Variants in PJVK observed in about 807,000 individuals in gnomAD.
PJVK encodes the protein pejvakin.
A neutral mutation model predicts 37.6 loss-of-function variants in PJVK; 33 were observed. The observed-to-expected ratio is 0.88, with a 90% CI of 0.67 to 1.17. The LOEUF (loss-of-function observed/expected upper bound fraction) is 1.17, where lower values mean the gene tolerates loss of function less well. Among genes scored for constraint, PJVK ranks in the 50% most tolerant of loss-of-function variants. The pLI, the probability that PJVK is intolerant of heterozygous loss-of-function variation, is 0.00. For synonymous variants in PJVK, 141 were observed against 143.5 expected (o/e 0.98, Z 0.13); for missense variants, 410 against 413.8 (o/e 0.99, Z 0.08).
chr2:178,453,075 G>A (rs1047375373), intron 1 of PJVK: 15 of 321,310 alleles, frequency 4.7e-5, no homozygotes, highest in African/African-American at 3.0e-4. Context: ...CATTGCCAGT[G>A]GCAAATCACT....
intron 4 of PJVK, among the ~76,000 whole-genome samples, chr2:178,457,816 G>T (rs941259453): frequency 1.3e-5 from 2 of 152,114 alleles, no homozygotes; most frequent in Non-Finnish European, 2.9e-5. Context: ...CTATGATTGT[G>T]CCACTGCTCT....
Position 178,460,342 on chromosome 2 carries a change from T to C in PJVK, c.668-6T>C. On this transcript the variant is annotated splice_polypyrimidine_tract_variant and splice_region_variant and intron_variant, in intron 5 of 6. Transcript: ENST00000644580. ...TTATAACATCTTCTAACAATTTTTT[T>C]TGTAGACCTTTGTGTCACTTCAGTG... The C allele has an allele frequency of 1.9e-6, 3 of 1,612,836 alleles. No homozygotes were observed. Among genetic ancestry groups the C allele is most frequent in the Non-Finnish European group, 2.5e-6 (3 of 1,178,868 alleles).
chr2:178,451,706 C>T lies in PJVK; in HGVS notation c.-86C>T. ...GAACACGCGGGGACGTCCAAACACCCGCTCCTCTCCCGCCGGGCGGGCTCC... is the reference window on the plus strand; with the variant it reads ...GAACACGCGGGGACGTCCAAACACCTGCTCCTCTCCCGCCGGGCGGGCTCC... On this transcript the variant is annotated 5_prime_UTR_variant, in exon 1 of 7. Coordinates refer to ENST00000644580, the MANE Select transcript of PJVK (RefSeq NM_001042702.5). The T allele has an allele frequency of 1.1e-6, 1 of 928,416 alleles. No homozygotes were observed. Among genetic ancestry groups the T allele is most frequent in the South Asian group, 5.0e-5 (1 of 20,172 alleles). The allele number at this position is 928,416 out of a possible 1,614,324, so 57.5% of individuals were successfully genotyped here. A position where few individuals can be genotyped will look rare whatever the true frequency, so the allele number is the denominator to read the frequency against.
intron 4 of PJVK, among the ~76,000 whole-genome samples, chr2:178,458,118 C>T (rs1357246631): frequency 6.6e-6 from 1 of 151,970 alleles, no homozygotes; most frequent in Non-Finnish European, 1.5e-5. Context: ...TTAGCGATTG[C>T]TTTAGAAAGC....
chr2:178,457,950 T>G (rs1684236380), intron 4 of PJVK, among the ~76,000 whole-genome samples: 1 of 152,246 alleles, frequency 6.6e-6, no homozygotes, highest in African/African-American at 2.4e-5. Context: ...TAATAATGAC[T>G]TGATTGGATT....
chr2:178,459,615 A>G (rs1684360085), intron 5 of PJVK, among the ~76,000 whole-genome samples: 1 of 152,188 alleles, frequency 6.6e-6, no homozygotes, highest in Non-Finnish European at 1.5e-5. Context: ...AAACTGTACA[A>G]TTACATTATT....
intron 2 of PJVK, chr2:178,453,860 C>A: frequency 1.1e-5 from 5 of 444,906 alleles, no homozygotes; most frequent in South Asian, 5.0e-5. Flanking sequence ...TTGTTTTAAC[C>A]AAATCAACTT....
chr2:178,455,025 G>C, intron 3 of PJVK: 1 of 1,111,506 alleles, frequency 9.0e-7, no homozygotes, highest in Non-Finnish European at 1.4e-6. Flanking sequence ...AGGGAAGGAC[G>C]TGGTGGTGGC....
chr2:178,462,052 C>T lies in PJVK; in HGVS notation c.*778C>T, dbSNP rs759378278. On this transcript the variant is annotated 3_prime_UTR_variant, in exon 7 of 7. Coordinates refer to ENST00000644580, the MANE Select transcript of PJVK (RefSeq NM_001042702.5). ...AGAAAAATGTGTTAATAATTTAATG[C>T]AATCTTAAATGTTTAATTGCAGTAT... Among the ~76,000 whole-genome samples the T allele has an allele frequency of 1.2e-4, 18 of 152,280 alleles. No homozygotes were observed. Among genetic ancestry groups the T allele is most frequent in the Admixed American group, 2.0e-4 (3 of 15,304 alleles).
chr2:178,452,021 G>A (rs1575108938), intron 1 of PJVK, among the ~76,000 whole-genome samples: 1 of 152,292 alleles, frequency 6.6e-6, no homozygotes, highest in South Asian at 2.1e-4. Context: ...GGGCGGGCGC[G>A]GTGGCTCACG....
rs1684503174 is a variant in PJVK at position 178,461,404 on chromosome 2, G to C, written c.*130G>C. 1 of 985,424 alleles carries C rather than the reference G, an allele frequency of 1.0e-6. No individual in the cohort carries two copies. The allele number at this position is 985,424 out of a possible 1,614,324, so 61.0% of individuals were successfully genotyped here. Reference sequence around the variant, plus strand: ...AGCAAAAAGAAATTAACCTGTCTGGGTATCATATTCCCTATCTATAAAGTA... The same window carrying C: ...AGCAAAAAGAAATTAACCTGTCTGGCTATCATATTCCCTATCTATAAAGTA... On this transcript the variant is annotated 3_prime_UTR_variant, in exon 7 of 7. Transcript: ENST00000644580.
chr2:178,461,096 A>G lies in PJVK; in HGVS notation c.881A>G (p.His294Arg), dbSNP rs758123840. Reference sequence around the variant, plus strand: ...GATATTTCACTCAAAGAAGGGACCCATATCCGAGTTAACTTACTTAATCAC... The same window carrying G: ...GATATTTCACTCAAAGAAGGGACCCGTATCCGAGTTAACTTACTTAATCAC... ...MTDISLKEGT[H>R]IRVNLLNHNI... Residue 294 changes from histidine to arginine, a missense_variant, in exon 7 of 7, where the codon CAT becomes CGT. By Grantham distance (29) the His-to-Arg change is conservative. Coordinates refer to ENST00000644580, the MANE Select transcript of PJVK (RefSeq NM_001042702.5). 3 of 1,614,154 alleles carry G rather than the reference A, an allele frequency of 1.9e-6. No individual in the cohort carries two copies. The highest frequency in any genetic ancestry group is 2.5e-6 in the Non-Finnish European group (3 of 1,180,036).
intron 4 of PJVK, among the ~76,000 whole-genome samples, chr2:178,456,541 G>A (rs541571026): frequency 6.6e-6 from 1 of 152,264 alleles, no homozygotes; most frequent in Non-Finnish European, 1.5e-5. Flanking sequence ...CGAGGTGGGC[G>A]GATCACTTGC....
Position 178,453,437 on chromosome 2 carries a change from G to C in PJVK, c.28G>C (p.Val10Leu). Residue 10 changes from valine (V) to leucine (L), a missense_variant, in exon 2 of 7, where the codon GTC becomes CTC. By Grantham distance (32) the Val-to-Leu change is conservative. Coordinates refer to ENST00000644580, the MANE Select transcript of PJVK (RefSeq NM_001042702.5). ...GTTTGCTGCTGCTACCAAGAGCTTTGTCAAGCAAGTTGGAGATGGAGGGAG... is the reference window on the plus strand; with the variant it reads ...GTTTGCTGCTGCTACCAAGAGCTTTCTCAAGCAAGTTGGAGATGGAGGGAG... MFAAATKSF[V>L]KQVGDGGRLV... 4 of 1,614,134 alleles carry C rather than the reference G, an allele frequency of 2.5e-6. No homozygotes were observed. Among genetic ancestry groups the C allele is most frequent in the Non-Finnish European group, 3.4e-6 (4 of 1,179,992 alleles).
At chr2:178,458,693 GCTCT>G (rs1029805170) in intron 5 of PJVK, 66 bp downstream of exon 5, 50 of 1,157,278 alleles carry the variant, frequency 4.3e-5, no homozygotes, top group South Asian at 3.5e-4. Context: ...TAGGGCATGT[GCTCT>G]CTCTCTCTCT....
Position 178,456,019 on chromosome 2 carries a change from C to G in PJVK, c.417C>G (p.Asn139Lys). The change falls in exon 4 of 7, where the codon AAC becomes AAG. Residue 139 changes from asparagine to lysine, a missense_variant. Physicochemically the swap from Asn to Lys is moderately conservative, Grantham distance 94. Coordinates refer to ENST00000644580, the MANE Select transcript of PJVK (RefSeq NM_001042702.5). Reference sequence around the variant, plus strand: ...ATCTTCTTTATTTTAGAAAAATTAACTTTGACCACAGCTTGATACGTCAGT... The same window carrying G: ...ATCTTCTTTATTTTAGAAAAATTAAGTTTGACCACAGCTTGATACGTCAGT... ...LLKEITTRKI[N>K]FDHSLIRQSR... 2 of 1,614,024 alleles carry G rather than the reference C, an allele frequency of 1.2e-6. No individual in the cohort carries two copies. The highest frequency in any genetic ancestry group is 1.7e-6 in the Non-Finnish European group (2 of 1,179,972).
At chr2:178,455,163 A>G in intron 3 of PJVK, 8 of 1,600,266 alleles carry the variant, frequency 5.0e-6, no homozygotes, top group Non-Finnish European at 6.8e-6. Flanking sequence ...GTGACTGTGC[A>G]TCTGGAGAAG....
rs377615103 is a variant in PJVK, at chr2:178,461,925, A to G, written c.*651A>G. Among the ~76,000 whole-genome samples, 39 of 152,278 alleles carry G rather than the reference A, an allele frequency of 2.6e-4. No homozygotes were observed. Among genetic ancestry groups the G allele is most frequent in the East Asian group, 1.5e-3 (8 of 5,184 alleles). Reference sequence around the variant, plus strand: ...AATTAAGAGATTTTTGTAAATACCAATTTTATTTTCAATCAACTTTCAGTT... The same window carrying G: ...AATTAAGAGATTTTTGTAAATACCAGTTTTATTTTCAATCAACTTTCAGTT... On this transcript the variant is annotated 3_prime_UTR_variant, in exon 7 of 7. Transcript: ENST00000644580.
At chr2:178,458,385 A>G (rs1684261566) in intron 4 of PJVK, 125 bp from the exon 5 acceptor site, 10 of 747,514 alleles carry the variant, frequency 1.3e-5, no homozygotes, top group East Asian at 8.3e-5. Context: ...TTCAAGCAGA[A>G]TAATCCTTTA....
Sources: allele counts gnomAD v4.1 joint callset (sites outside exome capture counted in the v4.1 genomes callset), GRCh38; gene constraint gnomAD v4.1.1; transcripts MANE v1.5; gene names NCBI Gene and HGNC (gene_info 2026-07-23, HGNC 2026-07-21).